HUNK: variants seen among roughly 807,000 people sequenced by gnomAD.
HUNK encodes the protein hormonally up-regulated Neu-associated kinase.
In HUNK, 21 loss-of-function variants were observed where a neutral mutation model predicts 61.0. That is an observed-to-expected ratio of 0.34 (90% CI 0.24 to 0.50). HUNK has a LOEUF of 0.50. Ranked by LOEUF, HUNK falls within the 20% of genes least tolerant of loss-of-function variation. The pLI, the probability that HUNK is intolerant of heterozygous loss-of-function variation, is 0.98. For missense variants in HUNK, 772 were observed against 945.7 expected (o/e 0.82, Z 2.41); for synonymous variants, 371 against 386.1 (o/e 0.96, Z 0.46).
intron 1 of HUNK, among the ~76,000 whole-genome samples, chr21:31,909,409 G>A (rs374041282): frequency 6.6e-6 from 1 of 152,180 alleles, no homozygotes; most frequent in Non-Finnish European, 1.5e-5. Context: ...CTGGGTGGGC[G>A]TGGGAGGGTT....
intron 1 of HUNK, among the ~76,000 whole-genome samples, chr21:31,902,301 G>A (rs2052474066): frequency 6.6e-6 from 1 of 152,138 alleles, no homozygotes; most frequent in Non-Finnish European, 1.5e-5. Flanking sequence ...ACCTGAGGTT[G>A]GGAGTTCGAG....
intron 4 of HUNK, among the ~76,000 whole-genome samples, chr21:31,956,156 C>G (rs2052888080): frequency 6.6e-6 from 1 of 152,198 alleles, no homozygotes; most frequent in South Asian, 2.1e-4. Flanking sequence ...GATCCTGGTT[C>G]CAGTTTTCAA....
chr21:31,874,036 G>A (rs1303784412), intron 1 of HUNK, 101 bp downstream of exon 1: 3 of 895,510 alleles, frequency 3.4e-6, no homozygotes, highest in Non-Finnish European at 4.5e-6. Context: ...GTGCAGTCCC[G>A]GGCCAAGCGC....
At chr21:31,966,763 A>T (rs570151773) in intron 5 of HUNK, among the ~76,000 whole-genome samples, 1 of 152,328 alleles carries the variant, frequency 6.6e-6, no homozygotes, top group African/African-American at 2.4e-5. Context: ...AACTGAAAAA[A>T]TAACTTTGAA....
chr21:31,877,231 T>G (rs2211784), intron 1 of HUNK, among the ~76,000 whole-genome samples: 49,617 of 151,406 alleles, frequency 0.33, 8,871 homozygotes, highest in Middle Eastern at 0.48. Context: ...GGTATGGGGG[T>G]GTGTGTGTGT....
At chr21:31,904,027 C>A (rs143466323) in intron 1 of HUNK, among the ~76,000 whole-genome samples, 1 of 152,082 alleles carries the variant, frequency 6.6e-6, no homozygotes, top group Admixed American at 6.6e-5. Context: ...AATTTCTCAT[C>A]CAGTAGTTAC....
intron 1 of HUNK, among the ~76,000 whole-genome samples, chr21:31,900,605 C>G (rs150276839): frequency 1.5e-3 from 225 of 152,292 alleles, no homozygotes; most frequent in African/African-American, 5.0e-3. Flanking sequence ...CAAAGGTCTC[C>G]TCTTCGAGTC....
intron 1 of HUNK, among the ~76,000 whole-genome samples, chr21:31,899,754 C>T (rs1261740128): frequency 1.3e-5 from 2 of 151,940 alleles, no homozygotes; most frequent in East Asian, 1.9e-4. Context: ...TTATTCAGCT[C>T]CTGTAAGTTA....
At chr21:31,902,702 G>T (rs1182151916) in intron 1 of HUNK, among the ~76,000 whole-genome samples, 1 of 152,114 alleles carries the variant, frequency 6.6e-6, no homozygotes, top group East Asian at 1.9e-4. Context: ...GAGAAATGGC[G>T]ATTGTCCAAA....
At chr21:31,902,741 GCTAAA>G (rs910462853) in intron 1 of HUNK, among the ~76,000 whole-genome samples, 3 of 152,128 alleles carry the variant, frequency 2.0e-5, no homozygotes, top group African/African-American at 7.2e-5. Context: ...CTTATTGACA[GCTAAA>G]CTAGTTAATT....
chr21:31,923,996 T>G (rs75500079), intron 1 of HUNK, among the ~76,000 whole-genome samples: 2,801 of 152,126 alleles, frequency 0.018, 117 homozygotes, highest in East Asian at 0.15. Context: ...AACCATGCCT[T>G]GGAACTAAGA....
intron 9 of HUNK, among the ~76,000 whole-genome samples, chr21:31,992,856 C>G (rs915622286): frequency 6.6e-6 from 1 of 152,236 alleles, no homozygotes; most frequent in African/African-American, 2.4e-5. Flanking sequence ...TGTAAATAAA[C>G]ATGCTTTCTC....
At chr21:31,882,659 G>C (rs1323519940) in intron 1 of HUNK, among the ~76,000 whole-genome samples, 2 of 152,094 alleles carry the variant, frequency 1.3e-5, no homozygotes, top group African/African-American at 4.8e-5. Context: ...ATTTCCACGG[G>C]TTGGTATTAT....
At chr21:31,940,071 G>A in intron 2 of HUNK, 94 bp from the exon 3 acceptor site, 1 of 924,246 alleles carries the variant, frequency 1.1e-6, no homozygotes, top group African/African-American at 1.7e-5. Context: ...GTTAGAAGTG[G>A]CTCTAAAAAC....
intron 4 of HUNK, among the ~76,000 whole-genome samples, chr21:31,957,700 A>T (rs954645416): frequency 1.3e-5 from 2 of 152,298 alleles, no homozygotes; most frequent in African/African-American, 4.8e-5. Context: ...CTCTAAGAAG[A>T]TGTTTCTATT....
At chr21:31,996,908 A>G (rs1472038124) in intron 10 of HUNK, among the ~76,000 whole-genome samples, 1 of 152,192 alleles carries the variant, frequency 6.6e-6, no homozygotes, top group African/African-American at 2.4e-5. Context: ...CATGCAGTGG[A>G]TCGGGGAGGG....
intron 4 of HUNK, among the ~76,000 whole-genome samples, chr21:31,953,524 G>C (rs774870699): frequency 1.3e-5 from 2 of 152,224 alleles, no homozygotes; most frequent in Non-Finnish European, 2.9e-5. Context: ...GTGAGCCACT[G>C]TGCCCGGCCA....
At chr21:31,908,715 T>TG (rs2123804085) in intron 1 of HUNK, among the ~76,000 whole-genome samples, 1 of 152,256 alleles carries the variant, frequency 6.6e-6, no homozygotes, top group Non-Finnish European at 1.5e-5. Context: ...CCCGTGGATC[T>TG]GTTTGCTTTT....
intron 4 of HUNK, among the ~76,000 whole-genome samples, chr21:31,958,242 T>C (rs890326520): frequency 6.6e-6 from 1 of 152,082 alleles, no homozygotes; most frequent in Non-Finnish European, 1.5e-5. Flanking sequence ...CTTTTCTCTG[T>C]GGTCCCCTTC....
Sources: allele counts gnomAD v4.1 joint callset (sites outside exome capture counted in the v4.1 genomes callset), GRCh38; gene constraint gnomAD v4.1.1; transcripts MANE v1.5; gene names NCBI Gene and HGNC (gene_info 2026-07-23, HGNC 2026-07-21).